CYP51A1: variants seen among roughly 807,000 people sequenced by gnomAD.
CYP51A1 encodes lanosterol 14-alpha demethylase.
A neutral mutation model predicts 53.5 loss-of-function variants in CYP51A1; 45 were observed. The ratio of observed to expected loss-of-function variants is 0.84; its 90% CI spans 0.66 to 1.08. CYP51A1 has a LOEUF of 1.08. Ranked by LOEUF, CYP51A1 falls within the 50% of genes least tolerant of loss-of-function variation. The pLI, the probability that CYP51A1 is intolerant of heterozygous loss-of-function variation, is 0.00. For synonymous variants in CYP51A1, 181 were observed against 217.7 expected, an observed-to-expected ratio of 0.83 and a Z score of 1.48; for missense variants, 462 against 621.7, an observed-to-expected ratio of 0.74 and a Z score of 2.73.
At chr7:92,121,091 A>C (rs1014598473) in intron 7 of CYP51A1, among the ~76,000 whole-genome samples, 4 of 152,162 alleles carry the variant, frequency 2.6e-5, no homozygotes, top group Non-Finnish European at 4.4e-5. Flanking sequence ...GGAGTTCAAG[A>C]CCAGCCTGGC....
intron 9 of CYP51A1, among the ~76,000 whole-genome samples, chr7:92,116,250 G>A (rs1018249533): frequency 7.9e-5 from 12 of 152,074 alleles, no homozygotes; most frequent in Non-Finnish European, 1.3e-4. Flanking sequence ...TCCAGACTGG[G>A]TGACAGAGCA....
At chr7:92,113,955 TA>T in intron 9 of CYP51A1, 112 bp from the exon 10 acceptor site, 1 of 629,116 alleles carries the variant, frequency 1.6e-6, no homozygotes. Context: ...GATAATATAA[TA>T]AAAAGATGAC....
At chr7:92,117,699 T>G (rs1211615759) in intron 8 of CYP51A1, among the ~76,000 whole-genome samples, 4 of 152,170 alleles carry the variant, frequency 2.6e-5, no homozygotes, top group African/African-American at 9.6e-5. Flanking sequence ...CATTAAAGAT[T>G]AGCATGTAGG....
upstream of CYP51A1, chr7:92,134,684 C>T: frequency 3.1e-6 from 1 of 318,890 alleles, no homozygotes; most frequent in Middle Eastern, 8.5e-4. Flanking sequence ...GCGATCAATC[C>T]CTGAGAATCG....
chr7:92,118,039 A>G (rs1056786284), intron 8 of CYP51A1, among the ~76,000 whole-genome samples: 2 of 152,178 alleles, frequency 1.3e-5, no homozygotes, highest in Non-Finnish European at 2.9e-5. Context: ...TTAGGTAAAA[A>G]TATGTTTTTA....
chr7:92,133,466 C>CA (rs1365231110), intron 1 of CYP51A1, among the ~76,000 whole-genome samples: 1 of 152,128 alleles, frequency 6.6e-6, no homozygotes, highest in Admixed American at 6.5e-5. Context: ...GGGGTTTCTC[C>CA]ATGTTGTTCA....
chr7:92,132,237 T>A (rs939561862), intron 1 of CYP51A1, among the ~76,000 whole-genome samples: 1 of 152,206 alleles, frequency 6.6e-6, no homozygotes, highest in African/African-American at 2.4e-5. Context: ...ACTACACTTG[T>A]CCCTTGGCAT....
intron 2 of CYP51A1, among the ~76,000 whole-genome samples, chr7:92,130,319 G>A (rs965966074): frequency 6.6e-6 from 1 of 152,156 alleles, no homozygotes; most frequent in Non-Finnish European, 1.5e-5. Flanking sequence ...GTTCTTCACA[G>A]AGCTGCTGCC....
chr7:92,118,465 T>C, intron 8 of CYP51A1, 55 bp downstream of exon 8: 1 of 979,802 alleles, frequency 1.0e-6, no homozygotes, highest in Admixed American at 1.7e-5. Context: ...CACCTATTTC[T>C]TCTTTTTGAT....
At chr7:92,121,026 AC>A (rs1236975328) in intron 7 of CYP51A1, among the ~76,000 whole-genome samples, 1 of 152,180 alleles carries the variant, frequency 6.6e-6, no homozygotes, top group East Asian at 1.9e-4. Context: ...ATGGTGGCTC[AC>A]ACCTGTAATC....
In CYP51A1 at chr7:92,131,783, T is replaced by C. The variant is rs999610335; in HGVS notation, c.282A>G (p.Ala94=). Residue 94 remains alanine, a synonymous_variant, in exon 2 of 10, where the codon GCA becomes GCG. Transcript: ENST00000003100. ...GKSPIEFLEN[A]YEKYGPVFSF... ...TATTTGGAAGACTTACCTTCTCATA[T>C]GCATTTTCTAGAAATTCAATTGGAC... The C allele has an allele frequency of 6.0e-6, 9 of 1,511,916 alleles. No homozygotes were observed. The highest frequency in any genetic ancestry group is 1.7e-4 in the Middle Eastern group (1 of 5,754). 93.7% of individuals were successfully genotyped at this position (1,511,916 alleles called of 1,614,324 possible).
intron 3 of CYP51A1, among the ~76,000 whole-genome samples, chr7:92,128,327 C>T (rs1176362112): frequency 2.6e-5 from 4 of 151,878 alleles, no homozygotes; most frequent in Admixed American, 1.3e-4. Context: ...ATACCCATTA[C>T]TTATCAGTTA....
At chr7:92,128,175 AG>A (rs1293299752) in intron 3 of CYP51A1, among the ~76,000 whole-genome samples, 1 of 152,350 alleles carries the variant, frequency 6.6e-6, no homozygotes, top group East Asian at 1.9e-4. Context: ...ATGGGTAGGC[AG>A]GAAGTCCTTT....
intron 5 of CYP51A1, among the ~76,000 whole-genome samples, chr7:92,125,012 C>T (rs962208311): frequency 1.1e-4 from 16 of 151,902 alleles, no homozygotes; most frequent in African/African-American, 2.2e-4. Flanking sequence ...GGCTTGGTGG[C>T]GGGTGCCTGT....
chr7:92,121,406 A>G (rs1464241392), intron 7 of CYP51A1, among the ~76,000 whole-genome samples: 1 of 152,172 alleles, frequency 6.6e-6, no homozygotes, highest in African/African-American at 2.4e-5. Flanking sequence ...TGGTGCAGCC[A>G]CTTTTTAAAA....
At chr7:92,124,033 T>G (rs978053858) in intron 5 of CYP51A1, among the ~76,000 whole-genome samples, 180 bp from the exon 6 acceptor site, 2 of 152,174 alleles carry the variant, frequency 1.3e-5, no homozygotes, top group African/African-American at 2.4e-5. Context: ...AATCTTACAT[T>G]GTTAAAAATG....
chr7:92,117,279 G>T, intron 8 of CYP51A1, 67 bp from the exon 9 acceptor site: 1 of 1,379,550 alleles, frequency 7.2e-7, no homozygotes, highest in Non-Finnish European at 1.0e-6. Flanking sequence ...TCAGATCATT[G>T]TGTAATAAAG....
chr7:92,122,688 T>C (rs957239711), intron 7 of CYP51A1, among the ~76,000 whole-genome samples: 2 of 152,222 alleles, frequency 1.3e-5, no homozygotes, highest in Non-Finnish European at 2.9e-5. Flanking sequence ...AAGTTGCATG[T>C]AGTATTTGTA....
chr7:92,120,647 T>A (rs1162441840), intron 7 of CYP51A1, among the ~76,000 whole-genome samples: 4 of 152,102 alleles, frequency 2.6e-5, no homozygotes, highest in African/African-American at 9.7e-5. Context: ...CAACAAACAG[T>A]GTGGGACAAC....
Sources: allele counts gnomAD v4.1 joint callset (sites outside exome capture counted in the v4.1 genomes callset), GRCh38; gene constraint gnomAD v4.1.1; transcripts MANE v1.5; gene names NCBI Gene and HGNC (gene_info 2026-07-23, HGNC 2026-07-21).